Variants in CNDP2 observed in about 807,000 individuals in gnomAD.
CNDP2 encodes carnosine dipeptidase 2.
A neutral mutation model predicts 55.0 loss-of-function variants in CNDP2; 38 were observed. The ratio of observed to expected loss-of-function variants is 0.69; its 90% CI spans 0.53 to 0.90. The LOEUF is 0.90. CNDP2 is among the 40% of genes least tolerant of loss of function. The probability of loss-of-function intolerance (pLI) is 0.00; values close to 1 mark genes in which losing one functional copy is unlikely to be tolerated. For synonymous variants in CNDP2, 241 were observed against 260.2 expected (o/e 0.93, Z 0.71); for missense variants, 607 against 621.7 (o/e 0.98, Z 0.25).
At chr18:74,517,949 G>A (rs1979781477) in intron 9 of CNDP2, 1 of 152,242 alleles carries the variant, frequency 6.6e-6, no homozygotes, top group African/African-American at 2.4e-5. Context: ...CTTTTACTTT[G>A]AAATAACTGG....
At chr18:74,501,512 G>A in intron 3 of CNDP2, 40 bp downstream of exon 3, 1 of 1,570,638 alleles carries the variant, frequency 6.4e-7, no homozygotes, top group South Asian at 1.2e-5. Context: ...ACCGTAGACA[G>A]ATTCTGCCTG....
intron 3 of CNDP2, chr18:74,505,357 G>C (rs955618029): frequency 4.6e-5 from 7 of 153,364 alleles, no homozygotes; most frequent in African/African-American, 1.7e-4. Context: ...CTAGCACTTT[G>C]GAAAGCCGAG....
At position 74,510,785 on chromosome 18, in the gene CNDP2, ATCCACTCGTGCTGT is replaced by A; in HGVS notation, c.457-24_457-11del. On this transcript the variant is annotated splice_polypyrimidine_tract_variant and intron_variant, in intron 5 of 11. Coordinates refer to ENST00000324262, the MANE Select transcript of CNDP2 (RefSeq NM_018235.3). ...AGAAGGAAGGTTCGCAAAGCTGAAT[ATCCACTCGTGCTGT>A]TCCCTTCTCACAGGAGATTCCTGTC... The A allele has an allele frequency of 6.3e-7, 1 of 1,591,324 alleles. No individual in the cohort carries two copies. Among genetic ancestry groups the A allele is most frequent in the Admixed American group, 1.7e-5 (1 of 57,896 alleles).
chr18:74,509,990 G>A (rs773653892), intron 5 of CNDP2, among the ~76,000 whole-genome samples: 2 of 152,226 alleles, frequency 1.3e-5, no homozygotes, highest in Non-Finnish European at 2.9e-5. Context: ...GAGCCTGCAT[G>A]CTGGGCGGGA....
chr18:74,510,880 A>T lies in CNDP2; in HGVS notation c.524A>T (p.Glu175Val). 1 of 1,614,190 alleles carries T rather than the reference A, an allele frequency of 6.2e-7. No individual in the cohort carries two copies. The highest frequency in any genetic ancestry group is 1.1e-5 in the South Asian group (1 of 91,082). ...GAGTCAGGCTCTGAGGGCCTAGACGAGCTGATTTTTGCCCGGAAAGACACA... is the reference window on the plus strand; with the variant it reads ...GAGTCAGGCTCTGAGGGCCTAGACGTGCTGATTTTTGCCCGGAAAGACACA... ...MEESGSEGLD[E>V]LIFARKDTFF... is the part of the protein sequence containing the mutation. Residue 175 changes from glutamate (E) to valine (V), a missense_variant, in exon 6 of 12, where the codon GAG (glutamate) becomes GTG (valine). By Grantham distance (121) the Glu-to-Val change is moderately radical. Coordinates refer to ENST00000324262, the MANE Select transcript of CNDP2 (RefSeq NM_018235.3).
rs1213816829 is a variant in CNDP2 at position 74,523,010 on chromosome 18, C to G, written c.*2942C>G. ...TCCTGGGTAAAGTGCCAATGCTCACCTCCATCTCTGCAAGCTCAGTCCCTC... is the reference window on the plus strand; with the variant it reads ...TCCTGGGTAAAGTGCCAATGCTCACGTCCATCTCTGCAAGCTCAGTCCCTC... On this transcript the variant is annotated 3_prime_UTR_variant, in exon 12 of 12. Coordinates refer to ENST00000324262, the MANE Select transcript of CNDP2 (RefSeq NM_018235.3). 6.6e-6 allele frequency: 1 copy of G among 152,308 alleles called. No homozygotes were observed. The highest frequency in any genetic ancestry group is 2.4e-5 in the African/African-American group (1 of 41,454). 9.4% of individuals were successfully genotyped at this position (152,308 alleles called of 1,614,324 possible). A position where few individuals can be genotyped will look rare whatever the true frequency, so the allele number is the denominator to read the frequency against.
chr18:74,513,539 C>T lies in CNDP2; in HGVS notation c.743-20C>T. The T allele has an allele frequency of 6.2e-7, 1 of 1,603,386 alleles. No individual in the cohort carries two copies. Among genetic ancestry groups the T allele is most frequent in the Non-Finnish European group, 8.5e-7 (1 of 1,176,080 alleles). ...GTGCGGCCTCCCCTGAGTGCTGTAACCCTCTCCGGCTTCCCTCAGGCTCTT... is the reference window on the plus strand; with the variant it reads ...GTGCGGCCTCCCCTGAGTGCTGTAATCCTCTCCGGCTTCCCTCAGGCTCTT... On this transcript the variant is annotated intron_variant, in intron 7 of 11. Coordinates refer to ENST00000324262, the MANE Select transcript of CNDP2 (RefSeq NM_018235.3).
intron 5 of CNDP2, 147 bp downstream of exon 5, chr18:74,509,075 G>A (rs1249429613): frequency 1.3e-5 from 8 of 608,126 alleles, no homozygotes; most frequent in South Asian, 4.3e-5. Context: ...CAGATGACTC[G>A]GATGTAAGAG....
In CNDP2 at chr18:74,522,926, T is replaced by C. The variant is rs1980136114; in HGVS notation, c.*2858T>C. ...GTGAGGTCGTCGCCTCTGGAAGTGC[T>C]AGCGGAGGGTGATCTCCCGGAGGAA... is the stretch of plus-strand genomic sequence containing the variant. On this transcript the variant is annotated 3_prime_UTR_variant, in exon 12 of 12. Coordinates refer to ENST00000324262, the MANE Select transcript of CNDP2 (RefSeq NM_018235.3). 6.6e-6 allele frequency: 1 copy of C among 152,324 alleles called. No individual in the cohort carries two copies. The allele number at this position is 152,324 out of a possible 1,614,324, so 9.4% of individuals were successfully genotyped here.
In CNDP2 at chr18:74,521,259, A is replaced by C. The variant is rs1434193489; in HGVS notation, c.*1191A>C. The C allele has an allele frequency of 6.6e-6, 1 of 151,598 alleles. No individual in the cohort carries two copies. Among genetic ancestry groups the C allele is most frequent in the African/African-American group, 2.4e-5 (1 of 41,170 alleles). The allele number at this position is 151,598 out of a possible 1,614,324, so 9.4% of individuals were successfully genotyped here. ...AGAACCCAGGTCTTCCCAGGCGAGC[A>C]CTCCCTCCCTCGTCCACACAAGTGG... On this transcript the variant is annotated 3_prime_UTR_variant, in exon 12 of 12. Transcript: ENST00000324262.
intron 5 of CNDP2, 145 bp downstream of exon 5, chr18:74,509,073 TC>T: frequency 6.4e-6 from 4 of 623,128 alleles, no homozygotes; most frequent in African/African-American, 1.8e-5. Flanking sequence ...CACAGATGAC[TC>T]GGATGTAAGA....
At chr18:74,500,352 G>A (rs571264083) in intron 2 of CNDP2, among the ~76,000 whole-genome samples, 11 of 152,286 alleles carry the variant, frequency 7.2e-5, no homozygotes, top group African/African-American at 2.6e-4. Context: ...ATATTAATCT[G>A]TTTCTTGATG....
At chr18:74,511,707 CAAAAAA>C (rs35283725) in intron 6 of CNDP2, among the ~76,000 whole-genome samples, 1 of 115,228 alleles carries the variant, frequency 8.7e-6, no homozygotes, top group African/African-American at 3.4e-5. Flanking sequence ...GACTCCACTT[CAAAAAA>C]AAAAAAAAAG....
chr18:74,505,825 G>C (rs1233123969), intron 3 of CNDP2, 24 bp from the exon 4 acceptor site: 1 of 1,612,590 alleles, frequency 6.2e-7, no homozygotes, highest in African/African-American at 1.3e-5. Context: ...GGCTGTCCTT[G>C]GTTCCTTTCC....
At chr18:74,519,948 G>T in intron 11 of CNDP2, 51 bp from the exon 12 acceptor site, 1 of 1,549,136 alleles carries the variant, frequency 6.5e-7, no homozygotes. Context: ...CCCACACCTG[G>T]GTGTTGGCTC....
Position 74,520,007 on chromosome 18 carries a change from A to G in CNDP2, c.1367A>G (p.Tyr456Cys). The change falls in exon 12 of 12, where the codon TAC becomes TGC. Residue 456 changes from tyrosine to cysteine, a missense_variant. Physicochemically the swap from Tyr to Cys is radical, Grantham distance 194. Transcript: ENST00000324262. ...SQNEKLNRYN[Y>C]IEGTKMLAAY... is the part of the protein sequence containing the mutation. ...GTGTTCCTCTCTACCAGGTATAACT[A>G]CATAGAGGGAACCAAGATGCTGGCC... The G allele has an allele frequency of 6.2e-7, 1 of 1,613,942 alleles. No individual in the cohort carries two copies. The highest frequency in any genetic ancestry group is 8.5e-7 in the Non-Finnish European group (1 of 1,179,944).
chr18:74,517,286 C>T (rs1979731597), intron 9 of CNDP2: 1 of 152,198 alleles, frequency 6.6e-6, no homozygotes, highest in African/African-American at 2.4e-5. Context: ...TATTCAGGCG[C>T]CTCACTGAGG....
chr18:74,514,162 C>T (rs935506758), intron 8 of CNDP2, among the ~76,000 whole-genome samples: 2 of 152,250 alleles, frequency 1.3e-5, no homozygotes, highest in African/African-American at 4.8e-5. Flanking sequence ...GTAAGTTCTG[C>T]AGGCTGTAGG....
At position 74,518,650 on chromosome 18, in the gene CNDP2, T is replaced by C; in HGVS notation, c.1210+10T>C. ...AGAGCCATGAAGACAGGTTGGACGC[T>C]CTCCTTGTGGATGATGCCGCGCAGG... is the stretch of plus-strand genomic sequence containing the variant. On this transcript the variant is annotated intron_variant, in intron 10 of 11. Transcript: ENST00000324262. 6.2e-7 allele frequency: 1 copy of C among 1,613,980 alleles called. No individual in the cohort carries two copies. Among genetic ancestry groups the C allele is most frequent in the Non-Finnish European group, 8.5e-7 (1 of 1,180,028 alleles).
Sources: gnomAD v4.1 joint callset for allele counts (sites outside exome capture counted in the v4.1 genomes callset) on GRCh38, gnomAD v4.1.1 for gene constraint, MANE v1.5 for transcripts, NCBI Gene and HGNC (gene_info 2026-07-23, HGNC 2026-07-21) for gene names.